Variants in GPNMB observed in about 807,000 individuals in gnomAD.
GPNMB encodes transmembrane glycoprotein NMB.
In GPNMB, 71 loss-of-function variants were observed where a neutral mutation model predicts 57.3. The observed-to-expected ratio is 1.24, with a 90% CI of 1.02 to 1.51. The LOEUF is 1.51. Ranked by LOEUF, GPNMB falls within the 40% of genes most tolerant of loss-of-function variation. The pLI is 0.00. For synonymous variants in GPNMB, 253 were observed against 263.2 expected, an observed-to-expected ratio of 0.96 and a Z score of 0.38; for missense variants, 677 against 691.9, an observed-to-expected ratio of 0.98 and a Z score of 0.24.
intron 9 of GPNMB, among the ~76,000 whole-genome samples, chr7:23,272,372 GT>G (rs2128485799): frequency 6.6e-6 from 1 of 152,264 alleles, no homozygotes; most frequent in Non-Finnish European, 1.5e-5. Context: ...GAACATACCT[GT>G]AGTCCCAGCT....
chr7:23,267,443 G>A (rs1466711969), intron 7 of GPNMB, among the ~76,000 whole-genome samples: 2 of 152,146 alleles, frequency 1.3e-5, no homozygotes, highest in African/African-American at 4.8e-5. Flanking sequence ...CTTAAGAGCT[G>A]TACCTTAGTC....
chr7:23,266,475 T>C, intron 6 of GPNMB, 42 bp from the exon 7 acceptor site: 1 of 1,596,446 alleles, frequency 6.3e-7, no homozygotes, highest in Non-Finnish European at 8.5e-7. Context: ...TCTTTTATGT[T>C]CGTAGCAACT....
At chr7:23,250,123 G>A (rs1010598412) in intron 1 of GPNMB, among the ~76,000 whole-genome samples, 5 of 152,108 alleles carry the variant, frequency 3.3e-5, no homozygotes, top group Admixed American at 6.6e-5. Context: ...ATTGAATCCC[G>A]TGGTTTTCTT....
At position 23,257,030 on chromosome 7, in the gene GPNMB, G is replaced by A. The variant is rs1487483668; in HGVS notation, c.506G>A (p.Arg169Lys). 9 of 1,614,080 alleles carry A rather than the reference G, an allele frequency of 5.6e-6. No homozygotes were observed. The highest frequency in any genetic ancestry group is 2.2e-5 in the East Asian group (1 of 44,892). Residue 169 changes from arginine (R) to lysine (K), a missense_variant, in exon 4 of 11, where the codon AGA (arginine) becomes AAA (lysine). Coordinates refer to ENST00000258733, the MANE Select transcript of GPNMB (RefSeq NM_002510.3). ...CCTTTTCCTCACCACCCCGGATGGA[G>A]AAGATGGAATTTCATCTACGTCTTC... Reference protein sequence around the residue: ...GKPFPHHPGWRRWNFIYVFHT... With the variant: ...GKPFPHHPGWKRWNFIYVFHT...
At chr7:23,246,965 T>G (rs1425184637) in intron 1 of GPNMB, 38 bp downstream of exon 1, 1 of 1,446,782 alleles carries the variant, frequency 6.9e-7, no homozygotes, top group Non-Finnish European at 9.7e-7. Context: ...ACCCATTCTC[T>G]GGCCATTGGC....
intron 5 of GPNMB, 132 bp from the exon 6 acceptor site, chr7:23,260,324 T>G: frequency 9.8e-7 from 1 of 1,018,726 alleles, no homozygotes; most frequent in African/African-American, 1.6e-5. Context: ...CCAGAAAACT[T>G]GCATGTGAAA....
Position 23,247,147 on chromosome 7 carries a change from T to A in GPNMB, c.70+220T>A, listed in dbSNP as rs1367517512. 7.8e-5 allele frequency: 44 copies of A among 564,938 alleles called. No individual in the cohort carries two copies. The East Asian group carries it at 1.3e-3, about 17-fold the overall frequency. The allele number at this position is 564,938 out of a possible 1,614,324, so 35.0% of individuals were successfully genotyped here. ...CTTTCGGCTCATGGAAAGTAAAAAC[T>A]ATGCTGCCCTTCTCTTGTGAAGCTT... is the stretch of plus-strand genomic sequence containing the variant. On this transcript the variant is annotated intron_variant, in intron 1 of 10. Transcript: ENST00000258733.
Position 23,266,228 on chromosome 7 carries a change from C to T in GPNMB, c.1019-289C>T, listed in dbSNP as rs1783057209. On this transcript the variant is annotated intron_variant, in intron 6 of 10. Coordinates refer to ENST00000258733, the MANE Select transcript of GPNMB (RefSeq NM_002510.3). ...CCTCCCAAAGTGCTGGGATTACAGGCATGAGCCACTGCACCCGGCCAGTTT... is the reference window on the plus strand; with the variant it reads ...CCTCCCAAAGTGCTGGGATTACAGGTATGAGCCACTGCACCCGGCCAGTTT... 13 of 362,644 alleles carry T rather than the reference C, an allele frequency of 3.6e-5. No individual in the cohort carries two copies. The South Asian group carries it at 3.9e-4, about 11-fold the overall frequency. 22.5% of individuals were successfully genotyped at this position (362,644 alleles called of 1,614,324 possible).
chr7:23,268,507 T>A (rs1783123730), intron 8 of GPNMB, among the ~76,000 whole-genome samples: 1 of 152,222 alleles, frequency 6.6e-6, no homozygotes, highest in South Asian at 2.1e-4. Context: ...ATGCATTATA[T>A]AATTTGGTTT....
rs369472924 is a variant in GPNMB at position 23,260,014 on chromosome 7, G to A, written c.576G>A (p.Val192=). 2.5e-6 allele frequency: 4 copies of A among 1,614,040 alleles called. No individual in the cohort carries two copies. The African/African-American group carries it at 4.0e-5, about 16-fold the overall frequency. ...QYFQKLGRCS[V]RVSVNTANVT... is the part of the protein sequence containing the mutation. ...TCCAGAAATTGGGACGATGTTCAGT[G>A]AGAGTTTCTGTGAACACAGCCAATG... is the stretch of plus-strand genomic sequence containing the variant. The change falls in exon 5 of 11, where the codon GTG becomes GTA. Residue 192 remains valine, a synonymous_variant. Transcript: ENST00000258733.
chr7:23,255,670 C>CAGCG (rs1782759649), intron 3 of GPNMB, among the ~76,000 whole-genome samples: 1 of 152,130 alleles, frequency 6.6e-6, no homozygotes, highest in African/African-American at 2.4e-5. Flanking sequence ...TTCCCACCAA[C>CAGCG]AGTGATATAC....
At chr7:23,254,420 A>T in intron 3 of GPNMB, 108 bp downstream of exon 3, 1 of 844,008 alleles carries the variant, frequency 1.2e-6, no homozygotes, top group Non-Finnish European at 1.9e-6. Context: ...TTGCCACTGC[A>T]CTCCATGAGC....
intron 3 of GPNMB, among the ~76,000 whole-genome samples, chr7:23,256,125 C>T (rs1406564248): frequency 2.0e-5 from 3 of 152,038 alleles, no homozygotes; most frequent in Admixed American, 6.5e-5. Flanking sequence ...AGGCTGGTCT[C>T]GAACTCCTGA....
intron 6 of GPNMB, among the ~76,000 whole-genome samples, chr7:23,263,393 C>A (rs1782976761): frequency 6.6e-6 from 1 of 151,976 alleles, no homozygotes; most frequent in East Asian, 1.9e-4. Flanking sequence ...AGGTGGATCA[C>A]CTGAGGTCAG....
chr7:23,261,099 T>C (rs1782911102), intron 6 of GPNMB, among the ~76,000 whole-genome samples: 1 of 152,182 alleles, frequency 6.6e-6, no homozygotes, highest in Admixed American at 6.5e-5. Context: ...TTATCTCCCA[T>C]TTTTTATGGC....
At chr7:23,267,039 G>A (rs1432212141) in intron 7 of GPNMB, among the ~76,000 whole-genome samples, 1 of 152,168 alleles carries the variant, frequency 6.6e-6, no homozygotes, top group Non-Finnish European at 1.5e-5. Flanking sequence ...TGTGCATTTG[G>A]GCACAGCCCT....
At position 23,274,348 on chromosome 7, in the gene GPNMB, A is replaced by G. The variant is rs1050192278; in HGVS notation, c.*124A>G. ...AGATATTGTGGTTTGGGGAAGTTGA[A>G]TTTTTTATAGGTTAAATGTCATTTT... On this transcript the variant is annotated 3_prime_UTR_variant, in exon 11 of 11. Coordinates refer to ENST00000258733, the MANE Select transcript of GPNMB (RefSeq NM_002510.3). 4 of 707,838 alleles carry G rather than the reference A, an allele frequency of 5.7e-6. No individual in the cohort carries two copies. The African/African-American group carries it at 7.2e-5, about 13-fold the overall frequency. The allele number at this position is 707,838 out of a possible 1,614,324, so 43.8% of individuals were successfully genotyped here.
At chr7:23,261,341 T>C (rs1562638697) in intron 6 of GPNMB, among the ~76,000 whole-genome samples, 1 of 152,220 alleles carries the variant, frequency 6.6e-6, no homozygotes, top group African/African-American at 2.4e-5. Context: ...CGTATGTTTA[T>C]TGCGGCACTA....
intron 1 of GPNMB, among the ~76,000 whole-genome samples, chr7:23,248,314 G>C (rs576483679): frequency 6.6e-6 from 1 of 152,182 alleles, no homozygotes; most frequent in Non-Finnish European, 1.5e-5. Context: ...GACCCGATGG[G>C]GGACACCTGC....
Sources: allele counts gnomAD v4.1 joint callset (sites outside exome capture counted in the v4.1 genomes callset), GRCh38; gene constraint gnomAD v4.1.1; transcripts MANE v1.5; gene names NCBI Gene and HGNC (gene_info 2026-07-23, HGNC 2026-07-21).